The following ANKRD33B variants were observed in gnomAD, a reference collection of about 807,000 sequenced individuals.
ANKRD33B encodes the protein ankyrin repeat domain 33B.
In ANKRD33B, 6 loss-of-function variants were observed where a neutral mutation model predicts 21.5. That is an observed-to-expected ratio of 0.28 (90% confidence interval 0.15 to 0.55). The LOEUF is 0.55. Among genes scored for constraint, ANKRD33B ranks in the 20% least tolerant of loss-of-function variants. The pLI is 0.94. For synonymous variants in ANKRD33B, 347 were observed against 342.4 expected (o/e 1.01, Z -0.15); for missense variants, 698 against 747.2 (o/e 0.93, Z 0.77).
At chr5:10,649,129 A>G (rs1737257427) in intron 3 of ANKRD33B, 137 bp from the exon 4 acceptor site, 1 of 1,402,902 alleles carries the variant, frequency 7.1e-7, no homozygotes, top group Non-Finnish European at 9.3e-7. Flanking sequence ...CGCAGAGTGA[A>G]CTAGGTGCAG....
In ANKRD33B at chr5:10,649,817, G is replaced by A. The variant is rs1405748256; in HGVS notation, c.1189G>A (p.Ala397Thr). 2 of 1,384,362 alleles carry A rather than the reference G, an allele frequency of 1.4e-6. No homozygotes were observed. Among genetic ancestry groups the A allele is most frequent in the Non-Finnish European group, 1.9e-6 (2 of 1,074,304 alleles). 85.8% of individuals were successfully genotyped at this position (1,384,362 alleles called of 1,614,324 possible). Residue 397 changes from alanine to threonine, a missense_variant, in exon 4 of 4, where the codon GCA (alanine) becomes ACA (threonine). Physicochemically the swap from Ala to Thr is moderately conservative, Grantham distance 58. Coordinates refer to ENST00000296657, the MANE Select transcript of ANKRD33B (RefSeq NM_001164440.2). The part of the protein sequence containing the change: ...LPPALGSRGP[A>T]APAPRKASLL... Reference sequence around the variant, plus strand: ...TCCCGCCCTGGGGTCCCGGGGCCCCGCAGCGCCCGCCCCGCGGAAGGCCAG... The same window carrying A: ...TCCCGCCCTGGGGTCCCGGGGCCCCACAGCGCCCGCCCCGCGGAAGGCCAG...
At chr5:10,589,374 C>T (rs1473889009) in intron 1 of ANKRD33B, among the ~76,000 whole-genome samples, 3 of 152,172 alleles carry the variant, frequency 2.0e-5, no homozygotes, top group African/African-American at 7.2e-5. Context: ...CCTCACTGTG[C>T]TGCACCTGAC....
intron 1 of ANKRD33B, among the ~76,000 whole-genome samples, chr5:10,568,262 T>C (rs976413183): frequency 6.6e-6 from 1 of 152,274 alleles, no homozygotes; most frequent in Admixed American, 6.5e-5. Context: ...CAATGTCTTC[T>C]GGATTTATGG....
intron 1 of ANKRD33B, among the ~76,000 whole-genome samples, chr5:10,598,680 A>G (rs1461095919): frequency 6.6e-6 from 1 of 152,068 alleles, no homozygotes; most frequent in Non-Finnish European, 1.5e-5. Context: ...GGCTCTAGCA[A>G]TCCTCCCATC....
intron 1 of ANKRD33B, among the ~76,000 whole-genome samples, chr5:10,596,120 A>G (rs767810066): frequency 6.6e-6 from 1 of 152,250 alleles, no homozygotes; most frequent in Non-Finnish European, 1.5e-5. Flanking sequence ...ATTATGTACC[A>G]GCACCCTTTA....
chr5:10,573,346 T>G (rs1006597213), intron 1 of ANKRD33B, among the ~76,000 whole-genome samples: 1 of 151,904 alleles, frequency 6.6e-6, no homozygotes, highest in Non-Finnish European at 1.5e-5. Flanking sequence ...CACACACCTG[T>G]AGTCCCAACT....
At chr5:10,592,073 GGT>G (rs55668434) in intron 1 of ANKRD33B, among the ~76,000 whole-genome samples, 48,147 of 149,856 alleles carry the variant, frequency 0.32, 8,076 homozygotes, top group Admixed American at 0.47. Flanking sequence ...TTGATTTTAT[GGT>G]GTGTGTGTGT....
intron 1 of ANKRD33B, among the ~76,000 whole-genome samples, chr5:10,596,150 T>G (rs960471204): frequency 3.3e-5 from 5 of 152,246 alleles, no homozygotes; most frequent in Non-Finnish European, 7.3e-5. Flanking sequence ...ATGCTTGCTT[T>G]CTTTTTGTCC....
chr5:10,610,938 G>A (rs1183651145), intron 1 of ANKRD33B, among the ~76,000 whole-genome samples: 1 of 152,146 alleles, frequency 6.6e-6, no homozygotes, highest in African/African-American at 2.4e-5. Context: ...CAGCTACCTG[G>A]GAGGCCGAGG....
intron 1 of ANKRD33B, among the ~76,000 whole-genome samples, chr5:10,585,154 G>A (rs1000890973): frequency 6.6e-6 from 1 of 152,238 alleles, no homozygotes; most frequent in African/African-American, 2.4e-5. Context: ...CCCAACTCCA[G>A]TGGTAAGTGA....
intron 1 of ANKRD33B, among the ~76,000 whole-genome samples, chr5:10,570,368 A>G (rs1032933053): frequency 6.6e-6 from 1 of 152,198 alleles, no homozygotes; most frequent in African/African-American, 2.4e-5. Flanking sequence ...TGGCAAGACC[A>G]AAACAGTCTT....
chr5:10,624,420 G>A lies in ANKRD33B; in HGVS notation c.496+5958G>A, dbSNP rs556569572. On this transcript the variant is annotated intron_variant, in intron 2 of 3. Coordinates refer to ENST00000296657, the MANE Select transcript of ANKRD33B (RefSeq NM_001164440.2). ...GCTGGAATTACAGGCGTGAGCCGCCGGGCCTGGCCTTTTTTTTCTTTTTTA... is the reference window on the plus strand; with the variant it reads ...GCTGGAATTACAGGCGTGAGCCGCCAGGCCTGGCCTTTTTTTTCTTTTTTA... Among the ~76,000 whole-genome samples, 14 of 152,110 alleles carry A rather than the reference G, an allele frequency of 9.2e-5. No homozygotes were observed. In the East Asian group the frequency reaches 1.4e-3, roughly 15 times the overall value.
chr5:10,607,043 A>T (rs983718614), intron 1 of ANKRD33B, among the ~76,000 whole-genome samples: 1 of 151,982 alleles, frequency 6.6e-6, no homozygotes, highest in Non-Finnish European at 1.5e-5. Context: ...TTTTATAAGT[A>T]CATTTTGTGC....
intron 1 of ANKRD33B, among the ~76,000 whole-genome samples, chr5:10,571,140 A>G (rs1192408116): frequency 6.6e-6 from 1 of 152,154 alleles, no homozygotes; most frequent in African/African-American, 2.4e-5. Flanking sequence ...CTACAGTGTG[A>G]AATGGAGAGA....
chr5:10,573,194 C>T (rs1218900456), intron 1 of ANKRD33B, among the ~76,000 whole-genome samples: 3 of 152,042 alleles, frequency 2.0e-5, no homozygotes, highest in East Asian at 3.8e-4. Context: ...TCCAGCTGGG[C>T]GCGGTGGCTC....
rs1423086709 is a variant in ANKRD33B, at chr5:10,649,517, C to T, written c.889C>T (p.Arg297Trp). 1.3e-6 allele frequency: 2 copies of T among 1,533,598 alleles called. No homozygotes were observed. The highest frequency in any genetic ancestry group is 2.0e-5 in the Admixed American group (1 of 50,930). 95.0% of individuals were successfully genotyped at this position (1,533,598 alleles called of 1,614,324 possible). ...GTCCGTGCTGACGCCGCGCTCCGTGCGGGGCCCGGAGGACGGGGGCGTCCT... is the reference window on the plus strand; with the variant it reads ...GTCCGTGCTGACGCCGCGCTCCGTGTGGGGCCCGGAGGACGGGGGCGTCCT... ...VLSVLTPRSV[R>W]GPEDGGVLDH... Residue 297 changes from arginine (R) to tryptophan (W), a missense_variant, in exon 4 of 4, where the codon CGG becomes TGG. Transcript: ENST00000296657.
chr5:10,620,288 A>G (rs1278656049), intron 2 of ANKRD33B, among the ~76,000 whole-genome samples: 1 of 152,080 alleles, frequency 6.6e-6, no homozygotes, highest in Non-Finnish European at 1.5e-5. Context: ...GCTTTGGGAC[A>G]GGGGATAACA....
intron 1 of ANKRD33B, among the ~76,000 whole-genome samples, chr5:10,572,977 C>T (rs1217634688): frequency 6.6e-6 from 1 of 152,204 alleles, no homozygotes; most frequent in Non-Finnish European, 1.5e-5. Flanking sequence ...CATAAATATG[C>T]CTCTGGAAGC....
intron 1 of ANKRD33B, among the ~76,000 whole-genome samples, chr5:10,602,337 G>A (rs941241605): frequency 6.6e-6 from 1 of 152,370 alleles, no homozygotes; most frequent in Non-Finnish European, 1.5e-5. Flanking sequence ...CGCTGATGCC[G>A]CTGGTCCTGG....
Sources: gnomAD v4.1 joint callset for allele counts (sites outside exome capture counted in the v4.1 genomes callset) on GRCh38, gnomAD v4.1.1 for gene constraint, MANE v1.5 for transcripts, NCBI Gene and HGNC (gene_info 2026-07-23, HGNC 2026-07-21) for gene names.